Variants in PUM3 observed in about 807,000 individuals in gnomAD.
PUM3 encodes the protein pumilio homolog 3.
A neutral mutation model predicts 84.0 loss-of-function variants in PUM3; 91 were observed. The observed-to-expected ratio is 1.08, with a 90% confidence interval of 0.91 to 1.29. The LOEUF (loss-of-function observed/expected upper bound fraction) is 1.29. Among genes scored for constraint, PUM3 ranks in the 50% most tolerant of loss-of-function variants. PUM3 has a pLI of 0.00. For missense variants in PUM3, 1,067 were observed against 767.5 expected (o/e 1.39, Z -4.61); for synonymous variants, 321 against 266.7 (o/e 1.20, Z -1.98).
At chr9:2,839,824 T>C (rs780770248) in intron 1 of PUM3, among the ~76,000 whole-genome samples, 1 of 152,248 alleles carries the variant, frequency 6.6e-6, no homozygotes, top group Non-Finnish European at 1.5e-5. Flanking sequence ...GTTTTCTCTG[T>C]ATGTTTGTTC....
intron 13 of PUM3, among the ~76,000 whole-genome samples, chr9:2,817,321 G>C (rs535474635): frequency 1.2e-4 from 18 of 152,088 alleles, no homozygotes; most frequent in Non-Finnish European, 2.6e-4. Flanking sequence ...GTCAAATTCA[G>C]CCTATAGCCT....
intron 5 of PUM3, 68 bp downstream of exon 5, chr9:2,833,289 T>G: frequency 2.6e-6 from 2 of 759,630 alleles, no homozygotes; most frequent in Non-Finnish European, 4.4e-6. Context: ...TCATGAATGG[T>G]CAGCTACTCC....
chr9:2,826,930 A>T, intron 10 of PUM3, 143 bp downstream of exon 10: 1 of 655,700 alleles, frequency 1.5e-6, no homozygotes, highest in Non-Finnish European at 2.7e-6. Context: ...AACGTGTTCA[A>T]AGGGAGTTGA....
At chr9:2,828,899 A>G (rs1815898466) in intron 8 of PUM3, 121 bp from the exon 9 acceptor site, 5 of 679,552 alleles carry the variant, frequency 7.4e-6, no homozygotes, top group Non-Finnish European at 1.3e-5. Flanking sequence ...TCCCATATTT[A>G]CATAATGAAA....
chr9:2,827,932 C>T (rs1365205692), intron 9 of PUM3, among the ~76,000 whole-genome samples: 1 of 152,206 alleles, frequency 6.6e-6, no homozygotes, highest in Non-Finnish European at 1.5e-5. Flanking sequence ...AACCAGGAGT[C>T]GTACCCAGGC....
At position 2,837,378 on chromosome 9, in the gene PUM3, G is replaced by C. The variant is rs753264176; in HGVS notation, c.106C>G (p.Pro36Ala). The C allele has an allele frequency of 2.4e-5, 39 of 1,612,404 alleles. No individual in the cohort carries two copies. Among genetic ancestry groups the C allele is most frequent in the Admixed American group, 2.0e-4 (12 of 59,882 alleles). The change falls in exon 3 of 18, where the codon CCA (proline) becomes GCA (alanine). Residue 36 changes from proline to alanine, a missense_variant. Pro to Ala is a conservative substitution (Grantham distance 27). Transcript: ENST00000397885. Reference sequence around the variant, plus strand: ...CCTTCTTTAGCAACTTTCCTTGTTGGAAATGTCTTTGAAGAACCAGAATCT... The same window carrying C: ...CCTTCTTTAGCAACTTTCCTTGTTGCAAATGTCTTTGAAGAACCAGAATCT... The part of the protein sequence containing the change: ...NSDSGSSKTF[P>A]TRKVAKEGGP...
At chr9:2,829,627 GC>G in intron 8 of PUM3, 146 bp downstream of exon 8, 1 of 661,968 alleles carries the variant, frequency 1.5e-6, no homozygotes, top group Non-Finnish European at 2.5e-6. Context: ...ACAAAATAAA[GC>G]ATGAGGGAAA....
In PUM3 at chr9:2,812,254, C is replaced by T. The variant is rs1456197254; in HGVS notation, c.1378G>A (p.Glu460Lys). ...TTTCCATCTCCTTTTTGCAGAACTT[C>T]AATGATTTCTCGTACTGTATGTGCA... Reference protein sequence around the residue: ...DPAHTVREIIEVLQKGDGNAH... With the variant: ...DPAHTVREIIKVLQKGDGNAH... Residue 460 changes from glutamate to lysine, a missense_variant, in exon 14 of 18, where the codon GAA becomes AAA. Coordinates refer to ENST00000397885, the MANE Select transcript of PUM3 (RefSeq NM_014878.5). The T allele has an allele frequency of 1.2e-6, 2 of 1,613,636 alleles. No individual in the cohort carries two copies. The highest frequency in any genetic ancestry group is 1.7e-5 in the Admixed American group (1 of 59,976).
At chr9:2,829,345 C>A (rs1425216199) in intron 8 of PUM3, among the ~76,000 whole-genome samples, 2 of 152,182 alleles carry the variant, frequency 1.3e-5, no homozygotes, top group Non-Finnish European at 2.9e-5. Context: ...TCCCCTTCAT[C>A]TCCAGACACA....
At chr9:2,804,976 AT>A (rs1821231413) in intron 17 of PUM3, among the ~76,000 whole-genome samples, 1 of 152,184 alleles carries the variant, frequency 6.6e-6, no homozygotes, top group Admixed American at 6.5e-5. Flanking sequence ...CAGCACTAAC[AT>A]TGAGTGAAAG....
At chr9:2,839,310 G>C (rs1430774543) in intron 1 of PUM3, among the ~76,000 whole-genome samples, 1 of 152,112 alleles carries the variant, frequency 6.6e-6, no homozygotes, top group Non-Finnish European at 1.5e-5. Context: ...TTGAAAGCTG[G>C]CTGTAAACAA....
At chr9:2,827,224 A>C in intron 9 of PUM3, 73 bp from the exon 10 acceptor site, 1,135 of 906,006 alleles carry the variant, frequency 1.3e-3, no homozygotes, top group Middle Eastern at 1.9e-3. Flanking sequence ...AGGTAATCTC[A>C]AAGTCCTAAA....
At chr9:2,811,271 C>G in intron 15 of PUM3, 90 bp downstream of exon 15, 4 of 1,007,786 alleles carry the variant, frequency 4.0e-6, no homozygotes, top group East Asian at 2.4e-5. Context: ...ATCTCCCTCC[C>G]CAGCTTTCTT....
At chr9:2,817,439 A>C (rs1403384897) in intron 13 of PUM3, among the ~76,000 whole-genome samples, 2 of 152,236 alleles carry the variant, frequency 1.3e-5, no homozygotes, top group Non-Finnish European at 2.9e-5. Flanking sequence ...TATACCCCAC[A>C]AAGGCTAAAA....
intron 10 of PUM3, 58 bp downstream of exon 10, chr9:2,827,015 A>G (rs1815839353): frequency 7.1e-7 from 1 of 1,413,604 alleles, no homozygotes; most frequent in African/African-American, 1.4e-5. Context: ...CAGTTTTTCA[A>G]ATTTCTACAC....
At chr9:2,808,381 T>G (rs1821302858) in intron 16 of PUM3, among the ~76,000 whole-genome samples, 1 of 152,224 alleles carries the variant, frequency 6.6e-6, no homozygotes, top group African/African-American at 2.4e-5. Context: ...CTGTTCTAGC[T>G]TAAACTTGGC....
At chr9:2,819,959 A>G (rs1451556855) in intron 13 of PUM3, 59 bp downstream of exon 13, 1 of 1,099,468 alleles carries the variant, frequency 9.1e-7, no homozygotes, top group East Asian at 2.4e-5. Context: ...AATCAAGCTT[A>G]CACATCCACA....
intron 1 of PUM3, among the ~76,000 whole-genome samples, chr9:2,843,005 A>T (rs943482532): frequency 5.3e-5 from 8 of 152,092 alleles, no homozygotes; most frequent in East Asian, 3.9e-4. Flanking sequence ...CCCTTACGTC[A>T]CCACCCTAAT....
chr9:2,834,155 T>C lies in PUM3; in HGVS notation c.316A>G (p.Lys106Glu), dbSNP rs1265354155. 6 of 1,612,014 alleles carry C rather than the reference T, an allele frequency of 3.7e-6. No individual in the cohort carries two copies. Among genetic ancestry groups the C allele is most frequent in the Non-Finnish European group, 5.1e-6 (6 of 1,179,210 alleles). The change falls in exon 4 of 18, where the codon AAG becomes GAG. Residue 106 changes from lysine (K) to glutamate (E), a missense_variant. By Grantham distance (56) the Lys-to-Glu change is moderately conservative (BLOSUM62 1). Transcript: ENST00000397885. ...PDGRSDESAA[K>E]KPKWDDFKKK... is the part of the protein sequence containing the mutation. ...TTGAAGTCATCCCATTTGGGCTTCT[T>C]GGCTGCTGATTCTAGTTATTATAGA...
Sources: allele counts gnomAD v4.1 joint callset (sites outside exome capture counted in the v4.1 genomes callset), GRCh38; gene constraint gnomAD v4.1.1; transcripts MANE v1.5; gene names NCBI Gene and HGNC (gene_info 2026-07-23, HGNC 2026-07-21).